RALYL: variants seen among roughly 807,000 people sequenced by gnomAD.
RALYL encodes RNA-binding Raly-like protein.
Under a neutral mutation model 35.1 loss-of-function variants are expected in RALYL, and 29 were observed. That is an observed-to-expected ratio of 0.83 (90% CI 0.61 to 1.13). RALYL has a LOEUF of 1.13. Among genes scored for constraint, RALYL ranks in the 50% most tolerant of loss-of-function variants. The pLI is 0.00. For missense variants in RALYL, 359 were observed against 360.4 expected (o/e 1.00, Z 0.03); for synonymous variants, 120 against 127.6 (o/e 0.94, Z 0.40).
chr8:84,376,507 G>T (rs751726050), intron 1 of RALYL, among the ~76,000 whole-genome samples: 3 of 151,862 alleles, frequency 2.0e-5, no homozygotes, highest in Non-Finnish European at 4.4e-5. Context: ...GTAAGAGAAA[G>T]ACAGAAATCT....
intron 2 of RALYL, among the ~76,000 whole-genome samples, chr8:84,530,017 G>C (rs1432836593): frequency 2.6e-5 from 4 of 152,084 alleles, no homozygotes; most frequent in African/African-American, 4.8e-5. Flanking sequence ...GCGAAAGAAA[G>C]TAAATTTTTA....
intron 2 of RALYL, among the ~76,000 whole-genome samples, chr8:84,674,328 A>G (rs1194082734): frequency 2.0e-5 from 3 of 152,196 alleles, no homozygotes; most frequent in Non-Finnish European, 4.4e-5. Context: ...AAACAGGGAT[A>G]GTTTAACTTC....
Position 84,552,358 on chromosome 8 carries a change from A to ATTTTTTTTTTTT in RALYL, c.256+22799_256+22810dup, listed in dbSNP as rs1167949176. 3.6e-4 allele frequency among the ~76,000 whole-genome samples: 11 copies of ATTTTTTTTTTTT among 30,638 alleles called. 2 individuals carry two copies. Among genetic ancestry groups the ATTTTTTTTTTTT allele is most frequent in the Non-Finnish European group, 4.6e-4 (8 of 17,258 alleles). 20.1% of individuals were successfully genotyped at this position (30,638 alleles called of 152,430 possible). The stretch of plus-strand genomic sequence containing the variant: ...TGTGTGTATATATATATATATATAT[A>ATTTTTTTTTTTT]TTTTTTTTTTTTTTTTTTTTTTTTT... On this transcript the variant is annotated intron_variant, in intron 2 of 8. Transcript: ENST00000521268.
chr8:84,868,323 A>G (rs6473564), intron 6 of RALYL, among the ~76,000 whole-genome samples: 78,154 of 151,994 alleles, frequency 0.51, 21,450 homozygotes, highest in African/African-American at 0.71. Flanking sequence ...CTCCTGAAGA[A>G]CCAGGAATAC....
rs996238288 is a variant in RALYL at position 84,617,987 on chromosome 8, C to T, written c.256+88410C>T. On this transcript the variant is annotated intron_variant, in intron 2 of 8. Transcript: ENST00000521268. ...AAGCCTTTTGATGTGCTGCTGGATT[C>T]GTTTTGCCAGCATTTTATTGAGGAT... Among the ~76,000 whole-genome samples, 18 of 151,840 alleles carry T rather than the reference C, an allele frequency of 1.2e-4. No homozygotes were observed. The South Asian group carries it at 3.3e-3, about 28-fold the overall frequency.
At chr8:84,858,143 C>T (rs1003736778) in intron 5 of RALYL, among the ~76,000 whole-genome samples, 3 of 151,874 alleles carry the variant, frequency 2.0e-5, no homozygotes, top group African/African-American at 7.3e-5. Flanking sequence ...AATAAAGTTA[C>T]ATATGTCAGA....
At chr8:84,903,569 C>T (rs1846037218) in intron 8 of RALYL, among the ~76,000 whole-genome samples, 1 of 152,052 alleles carries the variant, frequency 6.6e-6, no homozygotes, top group African/African-American at 2.4e-5. Flanking sequence ...CTTCTGCCTG[C>T]CCAGGAGGTA....
In RALYL at chr8:84,378,836, G is replaced by A. The variant is rs574481763; in HGVS notation, c.-23-150463G>A. 6.3e-4 allele frequency among the ~76,000 whole-genome samples: 95 copies of A among 151,742 alleles called. 2 individuals carry two copies. In the South Asian group the frequency reaches 0.019, roughly 31 times the overall value. ...TATGTGTCACATGATTACTATCATA[G>A]TTTACTGCTTCACAAGAATTCATAC... On this transcript the variant is annotated intron_variant, in intron 1 of 8. Transcript: ENST00000521268.
chr8:84,446,490 T>C (rs1359460761), intron 1 of RALYL, among the ~76,000 whole-genome samples: 2 of 152,096 alleles, frequency 1.3e-5, no homozygotes, highest in African/African-American at 4.8e-5. Flanking sequence ...CTGGATTTAA[T>C]CTTTGCTGTC....
intron 3 of RALYL, among the ~76,000 whole-genome samples, chr8:84,777,797 A>T (rs536919418): frequency 6.6e-6 from 1 of 152,164 alleles, no homozygotes; most frequent in African/African-American, 2.4e-5. Context: ...GCCGGCCACC[A>T]CACCTGGCTA....
In RALYL at chr8:84,551,392, A is replaced by T. The variant is rs559598054; in HGVS notation, c.256+21815A>T. Among the ~76,000 whole-genome samples the T allele has an allele frequency of 2.6e-5, 4 of 152,294 alleles. No individual in the cohort carries two copies. In the East Asian group the frequency reaches 7.7e-4, roughly 29 times the overall value. ...TTCTAACTCAGAATCATTTGAATTC[A>T]AATCTGGCTACAGTCCTGGAGTGCA... On this transcript the variant is annotated intron_variant, in intron 2 of 8. Transcript: ENST00000521268.
At chr8:84,638,851 G>T (rs960735544) in intron 2 of RALYL, among the ~76,000 whole-genome samples, 1 of 131,178 alleles carries the variant, frequency 7.6e-6, no homozygotes, top group East Asian at 2.5e-4. Context: ...ACAGAAATAC[G>T]AGTATCTAAT....
chr8:84,770,194 C>T (rs1412747928), intron 2 of RALYL, among the ~76,000 whole-genome samples: 1 of 152,090 alleles, frequency 6.6e-6, no homozygotes, highest in Non-Finnish European at 1.5e-5. Flanking sequence ...ACCCTTCACC[C>T]CCTCCCACCT....
At chr8:84,658,287 C>G (rs1157780544) in intron 2 of RALYL, among the ~76,000 whole-genome samples, 2 of 152,038 alleles carry the variant, frequency 1.3e-5, no homozygotes. Context: ...TTCTTCTGAC[C>G]CTCAAAAAGT....
intron 1 of RALYL, among the ~76,000 whole-genome samples, chr8:84,348,089 G>A (rs1357963554): frequency 6.6e-6 from 1 of 152,090 alleles, no homozygotes; most frequent in African/African-American, 2.4e-5. Context: ...CTGGAGTTTG[G>A]CTGCTGTGAT....
At chr8:84,650,992 A>G (rs1828680123) in intron 2 of RALYL, among the ~76,000 whole-genome samples, 2 of 151,846 alleles carry the variant, frequency 1.3e-5, no homozygotes, top group African/African-American at 4.8e-5. Flanking sequence ...AACACCGCAT[A>G]TTCTCACTCA....
chr8:84,682,310 T>C (rs1588976672), intron 2 of RALYL, among the ~76,000 whole-genome samples: 1 of 152,180 alleles, frequency 6.6e-6, no homozygotes, highest in African/African-American at 2.4e-5. Context: ...TCTTTTTTTG[T>C]TGTGTCTCTG....
chr8:84,290,924 C>T (rs1838657174), intron 1 of RALYL, among the ~76,000 whole-genome samples: 1 of 152,122 alleles, frequency 6.6e-6, no homozygotes, highest in African/African-American at 2.4e-5. Context: ...TTTCAGATCT[C>T]TAATACTTTT....
chr8:84,473,848 C>T (rs980445300), intron 1 of RALYL, among the ~76,000 whole-genome samples: 3 of 151,912 alleles, frequency 2.0e-5, no homozygotes, highest in Admixed American at 2.0e-4. Context: ...GGCCAATAAA[C>T]TCCTCTTATA....
Sources: gnomAD v4.1 joint callset for allele counts (sites outside exome capture counted in the v4.1 genomes callset) on GRCh38, gnomAD v4.1.1 for gene constraint, MANE v1.5 for transcripts, NCBI Gene and HGNC (gene_info 2026-07-23, HGNC 2026-07-21) for gene names.